PCCA: variants seen among roughly 807,000 people sequenced by gnomAD.
PCCA encodes the protein propionyl-CoA carboxylase alpha chain, mitochondrial.
Under a neutral mutation model 101.3 loss-of-function variants are expected in PCCA, and 74 were observed. That is an observed-to-expected ratio of 0.73 (90% confidence interval 0.61 to 0.89). PCCA has a LOEUF of 0.89. Ranked by LOEUF, PCCA falls within the 40% of genes least tolerant of loss-of-function variation. The pLI is 0.00. For missense variants in PCCA, 891 were observed against 907.0 expected (o/e 0.98, Z 0.23); for synonymous variants, 294 against 313.6 (o/e 0.94, Z 0.66).
In PCCA at chr13:100,309,887, C is replaced by T. The variant is rs1566911871; in HGVS notation, c.1408C>T (p.Leu470=). ...TEALKRMADA[L]DNYVIRGVTH... ...GGCACTGAAGAGAATGGCAGATGCA[C>T]TGGATAACTATGTTATTCGAGGTAA... Residue 470 remains leucine (L), a synonymous_variant, in exon 16 of 24, where the codon CTG becomes TTG. Transcript: ENST00000376285. 4 of 1,612,296 alleles carry T rather than the reference C, an allele frequency of 2.5e-6. No homozygotes were observed. Among genetic ancestry groups the T allele is most frequent in the Non-Finnish European group, 3.4e-6 (4 of 1,178,460 alleles).
intron 18 of PCCA, among the ~76,000 whole-genome samples, chr13:100,346,651 T>A (rs1009075778): frequency 6.6e-6 from 1 of 152,174 alleles, no homozygotes; most frequent in Admixed American, 6.5e-5. Flanking sequence ...AGTTCTACTG[T>A]GGGAAAAATG....
intron 6 of PCCA, among the ~76,000 whole-genome samples, chr13:100,186,406 G>T (rs1267954334): frequency 6.6e-6 from 1 of 152,160 alleles, no homozygotes; most frequent in Non-Finnish European, 1.5e-5. Flanking sequence ...ATTTGGTACA[G>T]TTATTTCTGC....
At chr13:100,324,016 T>G (rs571269628) in intron 16 of PCCA, among the ~76,000 whole-genome samples, 49 of 152,354 alleles carry the variant, frequency 3.2e-4, no homozygotes, top group African/African-American at 1.1e-3. Flanking sequence ...GAATCATACT[T>G]CGTAGGTTTC....
In PCCA at chr13:100,112,048, T is replaced by C. The variant is rs2048368792; in HGVS notation, c.287T>C (p.Val96Ala). ...GIKTVAIHSD[V>A]DASSVHVKMA... is the part of the protein sequence containing the mutation. ...AAGACAGTTGCCATCCACAGTGATG[T>C]TGATGCTAGTTCTGTAAGTATATTT... Residue 96 changes from valine (V) to alanine (A), a missense_variant, in exon 4 of 24, where the codon GTT (valine) becomes GCT (alanine). Val to Ala is a moderately conservative substitution (Grantham distance 64). Coordinates refer to ENST00000376285, the MANE Select transcript of PCCA (RefSeq NM_000282.4). 4 of 1,609,768 alleles carry C rather than the reference T, an allele frequency of 2.5e-6. No homozygotes were observed. The highest frequency in any genetic ancestry group is 3.4e-6 in the Non-Finnish European group (4 of 1,177,584).
Position 100,242,925 on chromosome 13 carries a change from C to T in PCCA, c.637+7047C>T, listed in dbSNP as rs536681433. Among the ~76,000 whole-genome samples the T allele has an allele frequency of 1.7e-4, 26 of 152,170 alleles. No individual in the cohort carries two copies. The South Asian group carries it at 5.4e-3, about 32-fold the overall frequency. On this transcript the variant is annotated intron_variant, in intron 8 of 23. Coordinates refer to ENST00000376285, the MANE Select transcript of PCCA (RefSeq NM_000282.4). ...TGGTGGTTGTTTTTTGAGACAGAGTCTCATTCTGTTGCCCAGGCTGGAGGG... is the reference window on the plus strand; with the variant it reads ...TGGTGGTTGTTTTTTGAGACAGAGTTTCATTCTGTTGCCCAGGCTGGAGGG...
chr13:100,444,715 A>G (rs545969549), intron 20 of PCCA, among the ~76,000 whole-genome samples: 1 of 152,222 alleles, frequency 6.6e-6, no homozygotes, highest in Admixed American at 6.5e-5. Context: ...TGCTGGGATT[A>G]CAGGCGTGAG....
intron 10 of PCCA, among the ~76,000 whole-genome samples, chr13:100,264,896 G>A (rs1220055183): frequency 1.3e-5 from 2 of 152,254 alleles, no homozygotes; most frequent in East Asian, 3.9e-4. Context: ...GTGGACTTAC[G>A]ATGGTATGTC....
intron 12 of PCCA, among the ~76,000 whole-genome samples, chr13:100,294,527 A>T (rs745426264): frequency 6.6e-6 from 1 of 151,968 alleles, no homozygotes; most frequent in African/African-American, 2.4e-5. Context: ...TAAAAATCCT[A>T]TCTCCCATCC....
At chr13:100,211,630 T>G (rs946471861) in intron 7 of PCCA, among the ~76,000 whole-genome samples, 5 of 152,044 alleles carry the variant, frequency 3.3e-5, no homozygotes, top group Non-Finnish European at 4.4e-5. Context: ...TAAATGGGGG[T>G]TTTATTCTGG....
intron 6 of PCCA, among the ~76,000 whole-genome samples, chr13:100,192,427 ATACATG>A (rs1183717969): frequency 6.6e-6 from 1 of 152,234 alleles, no homozygotes; most frequent in African/African-American, 2.4e-5. Flanking sequence ...GGATGAATGA[ATACATG>A]ACTGTGTTAA....
At chr13:100,227,958 G>C (rs1195458855) in intron 7 of PCCA, among the ~76,000 whole-genome samples, 1 of 151,990 alleles carries the variant, frequency 6.6e-6, no homozygotes, top group African/African-American at 2.4e-5. Context: ...AAATTTTTAA[G>C]GGAAAATGAA....
chr13:100,284,126 C>T (rs1190958390), intron 12 of PCCA, among the ~76,000 whole-genome samples: 2 of 152,250 alleles, frequency 1.3e-5, no homozygotes, highest in Non-Finnish European at 2.9e-5. Flanking sequence ...TGACTGTCCT[C>T]AAGGTCCCTT....
At chr13:100,499,215 C>T (rs1000498793) in intron 21 of PCCA, among the ~76,000 whole-genome samples, 4 of 152,180 alleles carry the variant, frequency 2.6e-5, no homozygotes, top group East Asian at 1.9e-4. Flanking sequence ...TCCCAAAAGA[C>T]GTTTGAAAAA....
At chr13:100,098,672 G>A (rs1566460175) in intron 1 of PCCA, among the ~76,000 whole-genome samples, 1 of 152,204 alleles carries the variant, frequency 6.6e-6, no homozygotes, top group Non-Finnish European at 1.5e-5. Context: ...GAATGGCCTG[G>A]CGGAAGAGTC....
chr13:100,508,249 GT>G (rs1383146225), intron 21 of PCCA, among the ~76,000 whole-genome samples: 4 of 152,100 alleles, frequency 2.6e-5, no homozygotes, highest in Non-Finnish European at 5.9e-5. Flanking sequence ...TTTGCAGGAT[GT>G]TTGAAAAATG....
chr13:100,342,964 C>T (rs1045155103), intron 18 of PCCA, among the ~76,000 whole-genome samples: 14 of 151,870 alleles, frequency 9.2e-5, no homozygotes, highest in African/African-American at 3.4e-4. Flanking sequence ...TCAAGTGATC[C>T]AGTCCACCAG....
chr13:100,520,672 TGGAGGTA>T (rs2087214124), intron 22 of PCCA, among the ~76,000 whole-genome samples: 1 of 150,418 alleles, frequency 6.6e-6, no homozygotes, highest in Non-Finnish European at 1.5e-5. Flanking sequence ...TGGTTTTTGT[TGGAGGTA>T]ACAAATATCT....
At chr13:100,401,940 A>G (rs2077390253) in intron 19 of PCCA, among the ~76,000 whole-genome samples, 1 of 152,154 alleles carries the variant, frequency 6.6e-6, no homozygotes, top group African/African-American at 2.4e-5. Flanking sequence ...AGCATTTTAA[A>G]TTTGTTTCAA....
chr13:100,392,126 G>C (rs2076828069), intron 19 of PCCA, among the ~76,000 whole-genome samples: 1 of 152,092 alleles, frequency 6.6e-6, no homozygotes, highest in Non-Finnish European at 1.5e-5. Context: ...TAAAGGCAAG[G>C]ACCTAGTCTT....
Sources: allele counts gnomAD v4.1 joint callset (sites outside exome capture counted in the v4.1 genomes callset), GRCh38; gene constraint gnomAD v4.1.1; transcripts MANE v1.5; gene names NCBI Gene and HGNC (gene_info 2026-07-23, HGNC 2026-07-21).